The following SORCS3 variants were observed in gnomAD, a reference collection of about 807,000 sequenced individuals.
SORCS3 encodes the protein VPS10 domain-containing receptor SorCS3.
In SORCS3, 57 loss-of-function variants were observed where a neutral mutation model predicts 146.3. That is an observed-to-expected ratio of 0.39 (90% CI 0.31 to 0.49). The LOEUF (loss-of-function observed/expected upper bound fraction) is 0.49, where lower values mean the gene tolerates loss of function less well. Ranked by LOEUF, SORCS3 falls within the 20% of genes least tolerant of loss-of-function variation. The pLI is 0.92. For missense variants in SORCS3, 1,341 were observed against 1,575.5 expected, an observed-to-expected ratio of 0.85 and a Z score of 2.52; for synonymous variants, 653 against 618.5, an observed-to-expected ratio of 1.06 and a Z score of -0.83.
intron 1 of SORCS3, among the ~76,000 whole-genome samples, chr10:104,733,202 T>A (rs564286399): frequency 2.0e-5 from 3 of 152,144 alleles, no homozygotes; most frequent in African/African-American, 7.2e-5. Context: ...GGGGAAGGCA[T>A]GTACTACTCT....
At chr10:104,977,566 T>A (rs769892571) in intron 4 of SORCS3, 73 bp downstream of exon 4, 97 of 1,400,762 alleles carry the variant, frequency 6.9e-5, no homozygotes, top group Non-Finnish European at 8.5e-5. Flanking sequence ...GCTTGCTTAA[T>A]CCACATTTTG....
chr10:105,183,348 C>T (rs187897892), intron 14 of SORCS3, among the ~76,000 whole-genome samples: 1 of 151,112 alleles, frequency 6.6e-6, no homozygotes, highest in Non-Finnish European at 1.5e-5. Context: ...TTATGCAAAC[C>T]CCAAAGCTGC....
At chr10:105,170,182 G>A (rs1002738664) in intron 13 of SORCS3, among the ~76,000 whole-genome samples, 19 of 152,180 alleles carry the variant, frequency 1.2e-4, no homozygotes, top group South Asian at 8.3e-4. Context: ...ACATCTAACC[G>A]TCCAGTCTGA....
chr10:104,650,361 G>A (rs1341586315), intron 1 of SORCS3, among the ~76,000 whole-genome samples: 3 of 152,326 alleles, frequency 2.0e-5, no homozygotes, highest in African/African-American at 7.2e-5. Flanking sequence ...AAGGAGGGAA[G>A]ATGAAAAGTA....
intron 1 of SORCS3, among the ~76,000 whole-genome samples, chr10:104,792,400 A>G (rs2017505162): frequency 6.6e-6 from 1 of 152,206 alleles, no homozygotes; most frequent in South Asian, 2.1e-4. Context: ...CTCATTCTTC[A>G]GAACCACATT....
At chr10:104,950,176 C>T (rs2019413627) in intron 3 of SORCS3, among the ~76,000 whole-genome samples, 1 of 152,174 alleles carries the variant, frequency 6.6e-6, no homozygotes, top group South Asian at 2.1e-4. Context: ...TAATCCTTTA[C>T]TTCACTCAAG....
chr10:104,863,306 C>T (rs2018425372), intron 2 of SORCS3, among the ~76,000 whole-genome samples: 2 of 152,200 alleles, frequency 1.3e-5, no homozygotes, highest in Non-Finnish European at 1.5e-5. Context: ...TGGAGCTGTT[C>T]TAGCCAGGCT....
chr10:104,680,996 C>G (rs2015966003), intron 1 of SORCS3, among the ~76,000 whole-genome samples: 1 of 152,228 alleles, frequency 6.6e-6, no homozygotes. Flanking sequence ...GGGCAGAGAG[C>G]AAACTCCCTA....
At chr10:105,098,310 A>G (rs1342374999) in intron 6 of SORCS3, among the ~76,000 whole-genome samples, 2 of 152,210 alleles carry the variant, frequency 1.3e-5, no homozygotes, top group Non-Finnish European at 2.9e-5. Context: ...GGATTGAGAT[A>G]TAGGATTGTC....
At chr10:104,983,224 C>T (rs2054941753) in intron 4 of SORCS3, among the ~76,000 whole-genome samples, 1 of 151,964 alleles carries the variant, frequency 6.6e-6, no homozygotes, top group Admixed American at 6.6e-5. Context: ...TGGTCTCAAG[C>T]TCTTGACCTC....
chr10:104,809,621 A>C (rs986309963), intron 1 of SORCS3, among the ~76,000 whole-genome samples: 4 of 152,198 alleles, frequency 2.6e-5, no homozygotes, highest in African/African-American at 9.6e-5. Context: ...GGTTGCAGGA[A>C]TGTGTGACAT....
chr10:105,224,632 C>A (rs2056723399), intron 20 of SORCS3, among the ~76,000 whole-genome samples: 1 of 152,218 alleles, frequency 6.6e-6, no homozygotes, highest in Admixed American at 6.5e-5. Context: ...CTTATGGTAG[C>A]AATATGTTTG....
intron 2 of SORCS3, among the ~76,000 whole-genome samples, chr10:104,846,074 C>T (rs934357708): frequency 2.0e-5 from 3 of 152,080 alleles, no homozygotes; most frequent in East Asian, 1.9e-4. Flanking sequence ...ATGGGTTTTC[C>T]GTGTTGACCA....
chr10:105,212,488 G>C (rs2056639692), intron 17 of SORCS3, among the ~76,000 whole-genome samples: 1 of 152,152 alleles, frequency 6.6e-6, no homozygotes. Flanking sequence ...TGTGATTGCA[G>C]GTTAAAACAG....
At chr10:105,025,257 C>A (rs2055219403) in intron 4 of SORCS3, among the ~76,000 whole-genome samples, 1 of 152,148 alleles carries the variant, frequency 6.6e-6, no homozygotes, top group African/African-American at 2.4e-5. Flanking sequence ...TGGCCCTTTA[C>A]ACTTTAAAAG....
At chr10:105,031,877 C>A (rs2133696555) in intron 4 of SORCS3, among the ~76,000 whole-genome samples, 1 of 152,286 alleles carries the variant, frequency 6.6e-6, no homozygotes, top group East Asian at 1.9e-4. Flanking sequence ...GCTTTCTCAA[C>A]AATTCAGGTT....
chr10:104,903,844 A>G (rs956647727), intron 2 of SORCS3, among the ~76,000 whole-genome samples: 5 of 152,256 alleles, frequency 3.3e-5, no homozygotes, highest in African/African-American at 1.2e-4. Flanking sequence ...AAGAATCCAT[A>G]TATCTTCTAT....
In SORCS3 at chr10:104,837,071, A is replaced by G. The variant is rs114312005; in HGVS notation, c.628-5721A>G. ...TTTTCCATACCTCTCTCCTACATTT[A>G]TCATCTCATCCCTTCTTTTACTGCC... On this transcript the variant is annotated intron_variant, in intron 1 of 26. Coordinates refer to ENST00000369701, the MANE Select transcript of SORCS3 (RefSeq NM_014978.3). 1.7e-3 allele frequency among the ~76,000 whole-genome samples: 258 copies of G among 152,142 alleles called. 3 individuals carry two copies. The highest frequency in any genetic ancestry group is 6.0e-3 in the African/African-American group (247 of 41,490).
chr10:104,918,166 A>T (rs569066456), intron 3 of SORCS3, among the ~76,000 whole-genome samples: 2 of 152,316 alleles, frequency 1.3e-5, no homozygotes, highest in East Asian at 3.9e-4. Flanking sequence ...TGGCCTCTCT[A>T]GAAATATGCC....
Sources: allele counts gnomAD v4.1 joint callset (sites outside exome capture counted in the v4.1 genomes callset), GRCh38; gene constraint gnomAD v4.1.1; transcripts MANE v1.5; gene names NCBI Gene and HGNC (gene_info 2026-07-23, HGNC 2026-07-21).